Variants in FNDC7 observed in about 807,000 individuals in gnomAD.
FNDC7 encodes the protein fibronectin type III domain-containing protein 7.
In FNDC7, 66 loss-of-function variants were observed where a neutral mutation model predicts 74.2. The ratio of observed to expected loss-of-function variants is 0.89; its 90% confidence interval spans 0.73 to 1.09. The LOEUF (loss-of-function observed/expected upper bound fraction) is 1.09. Ranked by LOEUF, FNDC7 falls within the 50% of genes least tolerant of loss-of-function variation. The pLI is 0.00. For missense variants in FNDC7, 829 were observed against 893.4 expected, an observed-to-expected ratio of 0.93 and a Z score of 0.92; for synonymous variants, 307 against 330.2, an observed-to-expected ratio of 0.93 and a Z score of 0.76.
chr1:108,736,047 A>G (rs543365361), intron 10 of FNDC7, among the ~76,000 whole-genome samples: 47 of 152,204 alleles, frequency 3.1e-4, no homozygotes, highest in African/African-American at 1.1e-3. Context: ...GGCTCAAGCA[A>G]TCCTCTCGCC....
intron 5 of FNDC7, among the ~76,000 whole-genome samples, chr1:108,723,432 A>G (rs961739037): frequency 6.6e-6 from 1 of 152,226 alleles, no homozygotes; most frequent in African/African-American, 2.4e-5. Context: ...CTAAGTTTAA[A>G]AAGCTTCTGA....
At chr1:108,738,652 C>T (rs1456202120) in intron 11 of FNDC7, among the ~76,000 whole-genome samples, 1 of 151,360 alleles carries the variant, frequency 6.6e-6, no homozygotes, top group Non-Finnish European at 1.5e-5. Context: ...GGGCTGGCTC[C>T]CCACCCACAC....
At chr1:108,734,958 C>G (rs1401727602) in intron 10 of FNDC7, among the ~76,000 whole-genome samples, 1 of 152,148 alleles carries the variant, frequency 6.6e-6, no homozygotes, top group Non-Finnish European at 1.5e-5. Context: ...GCTCCCAAAT[C>G]TCTATCTACA....
At chr1:108,735,499 T>C (rs923984144) in intron 10 of FNDC7, among the ~76,000 whole-genome samples, 2 of 152,186 alleles carry the variant, frequency 1.3e-5, no homozygotes, top group East Asian at 3.8e-4. Context: ...CACTGTTCAA[T>C]AGAAATTTAA....
intron 4 of FNDC7, among the ~76,000 whole-genome samples, chr1:108,719,463 G>T (rs1332984293): frequency 6.6e-6 from 1 of 152,202 alleles, no homozygotes; most frequent in Non-Finnish European, 1.5e-5. Flanking sequence ...CCAACTTTGA[G>T]CTGGCATTGT....
intron 8 of FNDC7, among the ~76,000 whole-genome samples, chr1:108,730,227 A>T (rs1661311834): frequency 6.6e-6 from 1 of 152,170 alleles, no homozygotes; most frequent in Admixed American, 6.5e-5. Flanking sequence ...AAATACAAAA[A>T]TTAGCTGGGC....
chr1:108,739,148 A>T (rs969827531), intron 11 of FNDC7, among the ~76,000 whole-genome samples: 1 of 152,188 alleles, frequency 6.6e-6, no homozygotes, highest in Non-Finnish European at 1.5e-5. Flanking sequence ...AAAAAAAAAA[A>T]TTTAAAAATG....
intron 5 of FNDC7, among the ~76,000 whole-genome samples, chr1:108,723,673 A>G (rs1661144623): frequency 6.6e-6 from 1 of 152,212 alleles, no homozygotes; most frequent in African/African-American, 2.4e-5. Flanking sequence ...GAGAAAAAAT[A>G]CTTTCAAAAG....
intron 9 of FNDC7, among the ~76,000 whole-genome samples, chr1:108,731,917 T>G (rs1310772161): frequency 6.6e-6 from 1 of 152,232 alleles, no homozygotes; most frequent in Non-Finnish European, 1.5e-5. Context: ...CATTGCTTAT[T>G]CTTTTAAGAA....
chr1:108,731,751 G>A (rs759444134), intron 9 of FNDC7, among the ~76,000 whole-genome samples: 17 of 152,280 alleles, frequency 1.1e-4, no homozygotes, highest in Middle Eastern at 3.4e-3. Flanking sequence ...ATTTTCCTTC[G>A]AAGTTGTTTT....
intron 5 of FNDC7, 114 bp from the exon 6 acceptor site, chr1:108,725,636 C>A: frequency 1.8e-6 from 2 of 1,142,842 alleles, no homozygotes; most frequent in East Asian, 2.5e-5. Flanking sequence ...CAAATTCAAT[C>A]TGTCACAAAG....
chr1:108,737,634 G>A (rs1449047422), intron 11 of FNDC7, 110 bp downstream of exon 11: 1 of 791,654 alleles, frequency 1.3e-6, no homozygotes, highest in Non-Finnish European at 2.0e-6. Flanking sequence ...TTCTTTCTTT[G>A]ATACAAGGGG....
At chr1:108,724,583 G>A (rs965593359) in intron 5 of FNDC7, among the ~76,000 whole-genome samples, 1 of 151,540 alleles carries the variant, frequency 6.6e-6, no homozygotes, top group African/African-American at 2.4e-5. Flanking sequence ...GCTAGACCCC[G>A]TCTCTACAAA....
At chr1:108,722,646 G>A in intron 5 of FNDC7, 54 bp downstream of exon 5, 1 of 1,532,798 alleles carries the variant, frequency 6.5e-7, no homozygotes. Context: ...ACTGCTGTAA[G>A]GGAGACGTTC....
intron 2 of FNDC7, among the ~76,000 whole-genome samples, chr1:108,716,416 G>C (rs1660978195): frequency 6.6e-6 from 1 of 150,972 alleles, no homozygotes; most frequent in Non-Finnish European, 1.5e-5. Context: ...TATTCTGTAG[G>C]GGAGAGAGGG....
intron 7 of FNDC7, 68 bp downstream of exon 7, chr1:108,728,133 G>T (rs1661261607): frequency 6.4e-7 from 1 of 1,555,704 alleles, no homozygotes. Flanking sequence ...GCCTCAGGAT[G>T]GGCATTCAGT....
At position 108,722,356 on chromosome 1, in the gene FNDC7, T is replaced by C. The variant is rs1661111837; in HGVS notation, c.620T>C (p.Ile207Thr). Residue 207 changes from isoleucine (I) to threonine (T), a missense_variant, in exon 5 of 13, where the codon ATT becomes ACT. By Grantham distance (89) the Ile-to-Thr change is moderately conservative (BLOSUM62 -1). Transcript: ENST00000370017. ...QRTSPRAPAN[I>T]QVSFDSGALK... ...GTAGGTCCTCGGGCCCCTGCCAACA[T>C]TCAAGTCTCTTTCGATAGTGGAGCT... is the stretch of plus-strand genomic sequence containing the variant. 6.2e-7 allele frequency: 1 copy of C among 1,611,428 alleles called. No individual in the cohort carries two copies. The highest frequency in any genetic ancestry group is 8.5e-7 in the Non-Finnish European group (1 of 1,178,668).
At position 108,722,315 on chromosome 1, in the gene FNDC7, A is replaced by G. The variant is rs750605485; in HGVS notation, c.599-20A>G. The G allele has an allele frequency of 6.4e-7, 1 of 1,556,824 alleles. No homozygotes were observed. The highest frequency in any genetic ancestry group is 1.4e-5 in the African/African-American group (1 of 73,058). Reference sequence around the variant, plus strand: ...TTTGTAAGGCTACTACAAAATCTTAATTGTTTCTCTAAAATGTAGGTCCTC... The same window carrying G: ...TTTGTAAGGCTACTACAAAATCTTAGTTGTTTCTCTAAAATGTAGGTCCTC... On this transcript the variant is annotated intron_variant, in intron 4 of 12. Transcript: ENST00000370017.
chr1:108,730,291 C>T (rs896670043), intron 8 of FNDC7, among the ~76,000 whole-genome samples: 50 of 150,994 alleles, frequency 3.3e-4, no homozygotes, highest in African/African-American at 1.1e-3. Flanking sequence ...GCAGAAGAAT[C>T]GCTTGAACCT....
Sources: gnomAD v4.1 joint callset for allele counts (sites outside exome capture counted in the v4.1 genomes callset) on GRCh38, gnomAD v4.1.1 for gene constraint, MANE v1.5 for transcripts, NCBI Gene and HGNC (gene_info 2026-07-23, HGNC 2026-07-21) for gene names.